Variants in CDH18 observed in about 807,000 individuals in gnomAD.
CDH18 encodes cadherin-18.
Under a neutral mutation model 67.9 loss-of-function variants are expected in CDH18, and 31 were observed. The ratio of observed to expected loss-of-function variants is 0.46; its 90% CI spans 0.34 to 0.62. The LOEUF (loss-of-function observed/expected upper bound fraction) is 0.62, where lower values mean the gene tolerates loss of function less well. Ranked by LOEUF, CDH18 falls within the 20% of genes least tolerant of loss-of-function variation. CDH18 has a pLI of 0.01. For missense variants in CDH18, 890 were observed against 975.5 expected, an observed-to-expected ratio of 0.91 and a Z score of 1.17; for synonymous variants, 362 against 347.2, an observed-to-expected ratio of 1.04 and a Z score of -0.48.
chr5:20,504,624 T>C (rs2126457894), intron 1 of CDH18, among the ~76,000 whole-genome samples: 1 of 152,286 alleles, frequency 6.6e-6, no homozygotes, highest in East Asian at 1.9e-4. Flanking sequence ...TATTTTACAG[T>C]GCAGTGATGC....
intron 1 of CDH18, among the ~76,000 whole-genome samples, chr5:20,438,336 T>A (rs1312384059): frequency 6.6e-6 from 1 of 151,072 alleles, no homozygotes; most frequent in Non-Finnish European, 1.5e-5. Flanking sequence ...ACAGCAAATG[T>A]AGAAAGAAAA....
chr5:19,529,461 C>T (rs1479230920), intron 9 of CDH18, among the ~76,000 whole-genome samples: 1 of 151,832 alleles, frequency 6.6e-6, no homozygotes, highest in African/African-American at 2.4e-5. Flanking sequence ...TGAACACTAT[C>T]TTTAGGGTTA....
chr5:20,509,325 G>A (rs1394839548), intron 1 of CDH18, among the ~76,000 whole-genome samples: 1 of 151,374 alleles, frequency 6.6e-6, no homozygotes, highest in African/African-American at 2.4e-5. Flanking sequence ...AGATCATGTG[G>A]TATTTGTCCT....
chr5:19,584,793 C>CAAAAAAAA (rs61297842), intron 7 of CDH18, among the ~76,000 whole-genome samples: 327 of 74,964 alleles, frequency 4.4e-3, no homozygotes, highest in African/African-American at 8.5e-3. Flanking sequence ...ACTAAAAATA[C>CAAAAAAAA]AAAAAAAAAA....
intron 8 of CDH18, among the ~76,000 whole-genome samples, chr5:19,560,123 A>G (rs776472259): frequency 2.6e-5 from 4 of 152,080 alleles, no homozygotes; most frequent in African/African-American, 4.8e-5. Flanking sequence ...AGTTCTTAAC[A>G]AAATACCACC....
chr5:19,516,828 G>GT (rs1220154501), intron 10 of CDH18, among the ~76,000 whole-genome samples: 1 of 151,844 alleles, frequency 6.6e-6, no homozygotes, highest in East Asian at 1.9e-4. Flanking sequence ...TTTTTTGAAG[G>GT]TTTTTTGTGT....
chr5:20,017,324 AT>A (rs1277255371), intron 2 of CDH18, among the ~76,000 whole-genome samples: 2 of 152,010 alleles, frequency 1.3e-5, no homozygotes, highest in Admixed American at 6.6e-5. Flanking sequence ...ATTTATAAGA[AT>A]TTTTTCACTT....
chr5:19,677,754 A>G (rs564405263), intron 5 of CDH18, among the ~76,000 whole-genome samples: 3 of 152,080 alleles, frequency 2.0e-5, no homozygotes, highest in East Asian at 3.9e-4. Flanking sequence ...GGCAGGTGTT[A>G]GCAAAGATAT....
chr5:20,070,570 G>T (rs547580639), intron 2 of CDH18, among the ~76,000 whole-genome samples: 7 of 152,270 alleles, frequency 4.6e-5, no homozygotes, highest in African/African-American at 1.2e-4. Flanking sequence ...AACAATTAAT[G>T]GGGTGCTATT....
At chr5:19,997,641 A>G (rs1736117259) in intron 2 of CDH18, among the ~76,000 whole-genome samples, 1 of 152,150 alleles carries the variant, frequency 6.6e-6, no homozygotes, top group Non-Finnish European at 1.5e-5. Flanking sequence ...AACAGAAAGT[A>G]TACTTTAAAG....
intron 1 of CDH18, among the ~76,000 whole-genome samples, chr5:20,505,239 T>G (rs1339564116): frequency 6.6e-6 from 1 of 152,084 alleles, no homozygotes; most frequent in Non-Finnish European, 1.5e-5. Context: ...AAAAATAACA[T>G]GATTATATTT....
chr5:19,712,477 G>A (rs1581009271), intron 5 of CDH18, among the ~76,000 whole-genome samples: 1 of 151,968 alleles, frequency 6.6e-6, no homozygotes, highest in African/African-American at 2.4e-5. Flanking sequence ...ATGTAAAAAT[G>A]TTACTCAAAG....
intron 2 of CDH18, among the ~76,000 whole-genome samples, chr5:20,231,162 T>C (rs1275968797): frequency 6.6e-6 from 1 of 152,164 alleles, no homozygotes; most frequent in Non-Finnish European, 1.5e-5. Context: ...ATCAAAATTG[T>C]ATAAGTGATA....
chr5:19,660,875 C>G (rs988936498), intron 5 of CDH18, among the ~76,000 whole-genome samples: 1 of 151,908 alleles, frequency 6.6e-6, no homozygotes, highest in Admixed American at 6.6e-5. Flanking sequence ...GGACTTCTGA[C>G]CTTCAGCACT....
At chr5:20,153,285 A>G (rs990290528) in intron 2 of CDH18, among the ~76,000 whole-genome samples, 1 of 152,058 alleles carries the variant, frequency 6.6e-6, no homozygotes, top group Non-Finnish European at 1.5e-5. Flanking sequence ...TTTCTAAACA[A>G]CCCAAGTATT....
chr5:20,405,141 C>T (rs1311485454), intron 1 of CDH18, among the ~76,000 whole-genome samples: 1 of 152,032 alleles, frequency 6.6e-6, no homozygotes, highest in African/African-American at 2.4e-5. Context: ...CAATCCTAAG[C>T]CAAAAGAACA....
chr5:19,940,279 T>C (rs1009525746), intron 2 of CDH18, among the ~76,000 whole-genome samples: 1 of 151,814 alleles, frequency 6.6e-6, no homozygotes, highest in Middle Eastern at 3.4e-3. Context: ...ACCAAGTCAA[T>C]AGGTTCTAAA....
intron 1 of CDH18, among the ~76,000 whole-genome samples, chr5:20,461,628 C>A (rs980214323): frequency 1.3e-5 from 2 of 152,036 alleles, no homozygotes; most frequent in African/African-American, 4.8e-5. Flanking sequence ...TTGCTAGATA[C>A]AATCTAGTTT....
chr5:19,915,582 T>G (rs1791678299), intron 2 of CDH18, among the ~76,000 whole-genome samples: 1 of 152,148 alleles, frequency 6.6e-6, no homozygotes, highest in Non-Finnish European at 1.5e-5. Flanking sequence ...TATACTGTAT[T>G]CATACAATAA....
Sources: allele counts gnomAD v4.1 joint callset (sites outside exome capture counted in the v4.1 genomes callset), GRCh38; gene constraint gnomAD v4.1.1; transcripts MANE v1.5; gene names NCBI Gene and HGNC (gene_info 2026-07-23, HGNC 2026-07-21).